Variants in KLHL22 observed in about 807,000 individuals in gnomAD.
KLHL22 encodes kelch-like protein 22.
Under a neutral mutation model 60.7 loss-of-function variants are expected in KLHL22, and 18 were observed. The ratio of observed to expected loss-of-function variants is 0.30; its 90% CI spans 0.20 to 0.44. KLHL22 has a LOEUF of 0.44. KLHL22 is among the 20% of genes least tolerant of loss of function. The pLI is 1.00. For synonymous variants in KLHL22, 355 were observed against 354.5 expected (o/e 1.00, Z -0.01); for missense variants, 596 against 852.3 (o/e 0.70, Z 3.74).
At chr22:20,483,284 T>C in intron 2 of KLHL22, 1 of 703,080 alleles carries the variant, frequency 1.4e-6, no homozygotes, top group East Asian at 2.8e-5. Flanking sequence ...CTCTCCTCAA[T>C]CTGCTGAGAC....
At chr22:20,479,453 G>T (rs2053465512) in intron 2 of KLHL22, among the ~76,000 whole-genome samples, 1 of 152,144 alleles carries the variant, frequency 6.6e-6, no homozygotes. Context: ...CATAATCCCA[G>T]CACTTTGGGA....
chr22:20,445,641 G>A (rs1371832697), intron 6 of KLHL22, among the ~76,000 whole-genome samples: 8 of 152,280 alleles, frequency 5.3e-5, no homozygotes, highest in Middle Eastern at 6.8e-3. Flanking sequence ...GGGGAACAGC[G>A]GTGTGATCAT....
intron 6 of KLHL22, among the ~76,000 whole-genome samples, chr22:20,444,052 T>TA (rs756923432): frequency 0.11 from 3,859 of 36,606 alleles, 133 homozygotes; most frequent in Non-Finnish European, 0.13. Context: ...CTCCATCTCA[T>TA]AAAAAAAAAA....
intron 6 of KLHL22, 124 bp downstream of exon 6, chr22:20,446,319 C>G: frequency 1.4e-6 from 1 of 696,236 alleles, no homozygotes; most frequent in Non-Finnish European, 2.5e-6. Flanking sequence ...TTGCTGTGAA[C>G]CTAAAACTGC....
intron 5 of KLHL22, chr22:20,450,735 T>C (rs528195270): frequency 1.1e-3 from 1,504 of 1,353,490 alleles, no homozygotes; most frequent in Non-Finnish European, 1.4e-3. Flanking sequence ...GGGTGAAGCA[T>C]GCCAAGAAAG....
chr22:20,477,862 A>G (rs1351396824), intron 2 of KLHL22, among the ~76,000 whole-genome samples: 1 of 152,178 alleles, frequency 6.6e-6, no homozygotes, highest in Non-Finnish European at 1.5e-5. Flanking sequence ...TGGGACTAAA[A>G]GCACTCGCCA....
At chr22:20,494,253 C>G (rs1293224088) in intron 1 of KLHL22, among the ~76,000 whole-genome samples, 1 of 152,164 alleles carries the variant, frequency 6.6e-6, no homozygotes, top group African/African-American at 2.4e-5. Context: ...CACCTGTAGT[C>G]CTGGCTATCT....
intron 1 of KLHL22, among the ~76,000 whole-genome samples, chr22:20,489,539 G>T (rs1033789454): frequency 6.6e-6 from 1 of 152,138 alleles, no homozygotes; most frequent in African/African-American, 2.4e-5. Context: ...GACCTGGGTT[G>T]GAGCCCAACT....
intron 1 of KLHL22, chr22:20,491,921 G>C (rs1601397926): frequency 1.3e-5 from 2 of 152,106 alleles, no homozygotes; most frequent in Admixed American, 1.3e-4. Flanking sequence ...CCCCCTCCTG[G>C]GCTGGCTCAT....
At chr22:20,468,634 C>T (rs1191631632) in intron 3 of KLHL22, among the ~76,000 whole-genome samples, 1 of 152,124 alleles carries the variant, frequency 6.6e-6, no homozygotes, top group Non-Finnish European at 1.5e-5. Flanking sequence ...CCAAGTAAAA[C>T]CTGCTATAAA....
In KLHL22 at chr22:20,489,152, T is replaced by A. The variant is rs945153099; in HGVS notation, c.60A>T (p.Pro20=). The A allele has an allele frequency of 1.2e-6, 2 of 1,614,122 alleles. No individual in the cohort carries two copies. Among genetic ancestry groups the A allele is most frequent in the Non-Finnish European group, 1.7e-6 (2 of 1,180,030 alleles). ...LCKLPAQPSH[P]HCVNNTYRSA... is the part of the protein sequence containing the mutation. The stretch of plus-strand genomic sequence containing the variant: ...TGCGGTAGGTGTTGTTCACGCAGTG[T>A]GGGTGTGAGGGCTGTGCAGGCAACT... Residue 20 remains proline, a synonymous_variant, in exon 2 of 7, where the codon CCA becomes CCT. Coordinates refer to ENST00000328879, the MANE Select transcript of KLHL22 (RefSeq NM_032775.4).
In KLHL22 at chr22:20,442,280, G is replaced by A. The variant is rs61732673; in HGVS notation, c.1698C>T (p.Tyr566=). Reference sequence around the variant, plus strand: ...CCTCCCAGCAGTCCTTCTCCACATCGTAAATGTGCACGTAGCCTGTGCGGC... The same window carrying A: ...CCTCCCAGCAGTCCTTCTCCACATCATAAATGTGCACGTAGCCTGTGCGGC... ...RGSRTGYVHI[Y]DVEKDCWEEG... The change falls in exon 7 of 7, where the codon TAC becomes TAT. Residue 566 remains tyrosine (Y), a synonymous_variant. Coordinates refer to ENST00000328879, the MANE Select transcript of KLHL22 (RefSeq NM_032775.4). 83 of 1,613,892 alleles carry A rather than the reference G, an allele frequency of 5.1e-5. No individual in the cohort carries two copies. In the African/African-American group the frequency reaches 8.1e-4, roughly 16 times the overall value.
chr22:20,479,221 T>C (rs752587911), intron 2 of KLHL22, among the ~76,000 whole-genome samples: 1 of 151,824 alleles, frequency 6.6e-6, no homozygotes, highest in Non-Finnish European at 1.5e-5. Flanking sequence ...GTTGGGACTA[T>C]AGGCATGCAC....
At chr22:20,457,589 G>C (rs1429275118) in intron 5 of KLHL22, among the ~76,000 whole-genome samples, 5 of 152,222 alleles carry the variant, frequency 3.3e-5, no homozygotes, top group Non-Finnish European at 7.3e-5. Flanking sequence ...CTGAGCAATG[G>C]GGTCTGGATC....
intron 4 of KLHL22, among the ~76,000 whole-genome samples, chr22:20,461,458 CAGG>C: frequency 7.0e-6 from 1 of 142,718 alleles, no homozygotes; most frequent in South Asian, 2.2e-4. Flanking sequence ...GAGGCTGAGG[CAGG>C]AGAATGGTGT....
intron 5 of KLHL22, chr22:20,451,212 G>A: frequency 6.3e-7 from 1 of 1,599,154 alleles, no homozygotes; most frequent in African/African-American, 1.3e-5. Flanking sequence ...TGGCCCCTAT[G>A]AATGTCTGAT....
Position 20,478,267 on chromosome 22 carries a change from G to A in KLHL22, c.228-6752C>T, listed in dbSNP as rs543386037. On this transcript the variant is annotated intron_variant, in intron 2 of 6. Coordinates refer to ENST00000328879, the MANE Select transcript of KLHL22 (RefSeq NM_032775.4). ...GTTGCCCAGGCTGGAGTGCAATGGC[G>A]CAATCTCGGCTCACCACAACCTCCA... 2.6e-3 allele frequency among the ~76,000 whole-genome samples: 384 copies of A among 147,684 alleles called. 4 individuals carry two copies. Among genetic ancestry groups the A allele is most frequent in the East Asian group, 8.6e-3 (43 of 5,022 alleles).
Position 20,442,058 on chromosome 22 carries a change from C to T in KLHL22, c.*15G>A. 1 of 1,491,478 alleles carries T rather than the reference C, an allele frequency of 6.7e-7. No homozygotes were observed. Among genetic ancestry groups the T allele is most frequent in the East Asian group, 2.4e-5 (1 of 41,674 alleles). 92.4% of individuals were successfully genotyped at this position (1,491,478 alleles called of 1,614,324 possible). A position where few individuals can be genotyped will look rare whatever the true frequency, so the allele number is the denominator to read the frequency against. On this transcript the variant is annotated 3_prime_UTR_variant, in exon 7 of 7. Transcript: ENST00000328879. ...GCCCCAGCCTCCCTTCCCTCTGATG[C>T]CAGGCACAGGGAGCCTAGTCCTCAC...
Position 20,447,544 on chromosome 22 carries a change from C to CTTTTT in KLHL22, c.1306-873_1306-869dup, listed in dbSNP as rs11463939. On this transcript the variant is annotated intron_variant, in intron 5 of 6. Coordinates refer to ENST00000328879, the MANE Select transcript of KLHL22 (RefSeq NM_032775.4). Reference sequence around the variant, plus strand: ...CCAGTAGGGGTCTGGGGAGGTTTTTCTTTTTTTTTTTTTTTTTGAGACGGA... The same window carrying CTTTTT: ...CCAGTAGGGGTCTGGGGAGGTTTTTCTTTTTTTTTTTTTTTTTTTTTTGAGACGGA... Among the ~76,000 whole-genome samples the CTTTTT allele has an allele frequency of 6.1e-4, 82 of 135,444 alleles. 1 individual carries two copies. In the East Asian group the frequency reaches 7.3e-3, roughly 12 times the overall value. The allele number at this position is 135,444 out of a possible 152,430, so 88.9% of individuals were successfully genotyped here.
Sources: gnomAD v4.1 joint callset for allele counts (sites outside exome capture counted in the v4.1 genomes callset) on GRCh38, gnomAD v4.1.1 for gene constraint, MANE v1.5 for transcripts, NCBI Gene and HGNC (gene_info 2026-07-23, HGNC 2026-07-21) for gene names.